The following ATP11A variants were observed in gnomAD, a reference collection of about 807,000 sequenced individuals.
The protein encoded by ATP11A is phospholipid-transporting ATPase IH.
In ATP11A, 81 loss-of-function variants were observed where a neutral mutation model predicts 154.4. The observed-to-expected ratio is 0.52, with a 90% confidence interval of 0.44 to 0.63. The LOEUF (loss-of-function observed/expected upper bound fraction) is 0.63. Ranked by LOEUF, ATP11A falls within the 30% of genes least tolerant of loss-of-function variation. The pLI, the probability that ATP11A is intolerant of heterozygous loss-of-function variation, is 0.00. For synonymous variants in ATP11A, 623 were observed against 585.9 expected (o/e 1.06, Z -0.91); for missense variants, 1,316 against 1,474.3 (o/e 0.89, Z 1.76).
chr13:112,811,838 C>A (rs1244047216), intron 5 of ATP11A: 5 of 152,202 alleles, frequency 3.3e-5, no homozygotes, highest in Admixed American at 2.6e-4. Context: ...GATCTCCTGA[C>A]CTTGTGATCC....
At position 112,886,974 on chromosome 13, in the gene ATP11A, GTTAA is replaced by G. The variant is rs2140467558; in HGVS notation, c.*5113_*5116del. 6.6e-6 allele frequency: 1 copy of G among 152,248 alleles called. No homozygotes were observed. The highest frequency in any genetic ancestry group is 2.1e-4 in the South Asian group (1 of 4,826). The allele number at this position is 152,248 out of a possible 1,614,324, so 9.4% of individuals were successfully genotyped here. On this transcript the variant is annotated 3_prime_UTR_variant, in exon 30 of 30. Transcript: ENST00000375645. ...TTAATCAGCTTTGAAAAATTAAATT[GTTAA>G]TTAAACCAATCTAACATTTCAGTAA...
chr13:112,830,524 C>T (rs955484310), intron 12 of ATP11A, among the ~76,000 whole-genome samples: 7 of 151,872 alleles, frequency 4.6e-5, no homozygotes, highest in South Asian at 2.1e-4. Flanking sequence ...TGCAGTGAGC[C>T]GAGATCATAC....
rs1442579314 is a variant in ATP11A at position 112,882,393 on chromosome 13, T to C, written c.*527T>C. 10 of 385,398 alleles carry C rather than the reference T, an allele frequency of 2.6e-5. No individual in the cohort carries two copies. Among genetic ancestry groups the C allele is most frequent in the African/African-American group, 1.0e-4 (5 of 48,684 alleles). 23.9% of individuals were successfully genotyped at this position (385,398 alleles called of 1,614,324 possible). ...CCCACATGTGGATGCCACATGCTGCTGTTTCCTGCTTGCCCGGCCACCACC... is the reference window on the plus strand; with the variant it reads ...CCCACATGTGGATGCCACATGCTGCCGTTTCCTGCTTGCCCGGCCACCACC... On this transcript the variant is annotated 3_prime_UTR_variant, in exon 30 of 30. Coordinates refer to ENST00000375645, the MANE Select transcript of ATP11A (RefSeq NM_015205.3). This position sits in a 1 kb window ranked among gnomAD's most constrained non-coding sequence, Gnocchi z 5.1.
In ATP11A at chr13:112,872,178, C is replaced by T. The variant is rs114157249; in HGVS notation, c.3057+378C>T. ...TTAATGTATTTTGAAAAATTTCACT[C>T]TTTAAAGTTCAGTGAAATTATATAC... On this transcript the variant is annotated intron_variant, in intron 26 of 29. Transcript: ENST00000375645. Among the ~76,000 whole-genome samples, 746 of 152,330 alleles carry T rather than the reference C, an allele frequency of 4.9e-3. 3 individuals carry two copies. Among genetic ancestry groups the T allele is most frequent in the African/African-American group, 0.017 (700 of 41,566 alleles).
chr13:112,788,177 C>G (rs963856149), intron 2 of ATP11A, among the ~76,000 whole-genome samples: 9 of 130,704 alleles, frequency 6.9e-5, no homozygotes, highest in Non-Finnish European at 1.3e-4. Flanking sequence ...TAATTCACAC[C>G]AAGTGTCCTG....
chr13:112,719,179 G>A (rs997350255), intron 1 of ATP11A, among the ~76,000 whole-genome samples: 14 of 151,016 alleles, frequency 9.3e-5, no homozygotes, highest in Non-Finnish European at 1.6e-4. Context: ...TTTGAATCGC[G>A]TCAAAGACCG....
intron 28 of ATP11A, 182 bp downstream of exon 28, chr13:112,876,123 G>A (rs1430826542): frequency 2.0e-5 from 11 of 538,874 alleles, no homozygotes; most frequent in South Asian, 6.4e-5. Context: ...TGCGATGACC[G>A]ATGTCTAATT....
At position 112,881,204 on chromosome 13, in the gene ATP11A, G is replaced by C. The variant is rs531617576; in HGVS notation, c.*10-672G>C. On this transcript the variant is annotated intron_variant, in intron 29 of 29. Coordinates refer to ENST00000375645, the MANE Select transcript of ATP11A (RefSeq NM_015205.3). ...GGACGGCCCCTCATCAGACAGATGC[G>C]TGCTGCCGGCCTCCTGCCGCTCCCC... is the stretch of plus-strand genomic sequence containing the variant. 22 of 989,476 alleles carry C rather than the reference G, an allele frequency of 2.2e-5. No homozygotes were observed. In the African/African-American group the frequency reaches 2.3e-4, roughly 10 times the overall value. 61.3% of individuals were successfully genotyped at this position (989,476 alleles called of 1,614,324 possible). A position where few individuals can be genotyped will look rare whatever the true frequency, so the allele number is the denominator to read the frequency against.
intron 1 of ATP11A, among the ~76,000 whole-genome samples, chr13:112,733,180 T>C (rs1890668183): frequency 6.6e-6 from 1 of 152,236 alleles, no homozygotes; most frequent in Non-Finnish European, 1.5e-5. Flanking sequence ...TTTCTCCTTG[T>C]CCATGCGCTT....
intron 1 of ATP11A, among the ~76,000 whole-genome samples, chr13:112,752,573 G>T (rs1256695781): frequency 6.6e-6 from 1 of 152,206 alleles, no homozygotes; most frequent in African/African-American, 2.4e-5. Context: ...CTGAATACGC[G>T]TCCGTCTGAC....
At chr13:112,834,809 C>A (rs2079188611) in intron 15 of ATP11A, 149 bp downstream of exon 15, 1 of 632,852 alleles carries the variant, frequency 1.6e-6, no homozygotes, top group Non-Finnish European at 2.8e-6. Context: ...AGGAATGTCA[C>A]CAGAATGTTC....
intron 1 of ATP11A, among the ~76,000 whole-genome samples, chr13:112,722,305 C>CG (rs1236853130): frequency 1.9e-4 from 1 of 5,230 alleles, no homozygotes; most frequent in Admixed American, 2.8e-3. Context: ...AGGGTGGGCC[C>CG]GGGGAGAGGG....
At chr13:112,861,402 A>C (rs1010120348) in intron 24 of ATP11A, among the ~76,000 whole-genome samples, 1 of 152,270 alleles carries the variant, frequency 6.6e-6, no homozygotes, top group East Asian at 1.9e-4. Context: ...GACACGCAAG[A>C]AACTGCAGTC....
chr13:112,777,422 A>G (rs2139983602), intron 1 of ATP11A, among the ~76,000 whole-genome samples: 1 of 152,146 alleles, frequency 6.6e-6, no homozygotes, highest in South Asian at 2.1e-4. Context: ...AAATTAGCCA[A>G]GTGTGGTGGC....
At chr13:112,861,846 T>G (rs1184092444) in intron 24 of ATP11A, among the ~76,000 whole-genome samples, 2 of 150,872 alleles carry the variant, frequency 1.3e-5, no homozygotes, top group Non-Finnish European at 2.9e-5. Context: ...ATCCTGCAAA[T>G]TCTGTCTTAT....
chr13:112,850,677 A>C (rs79204917), intron 17 of ATP11A, among the ~76,000 whole-genome samples: 2,220 of 152,242 alleles, frequency 0.015, 56 homozygotes, highest in African/African-American at 0.051. Flanking sequence ...TAAAAAAAAA[A>C]GGTTAAATTT....
intron 12 of ATP11A, among the ~76,000 whole-genome samples, chr13:112,829,696 C>T (rs1385524516): frequency 2.6e-5 from 4 of 152,082 alleles, no homozygotes; most frequent in Non-Finnish European, 4.4e-5. Context: ...GAAGCTCTAG[C>T]CAGAGCAGTG....
rs1383455636 is a variant in ATP11A, at chr13:112,696,644, C to A, written c.39+6189C>A. 2.6e-5 allele frequency among the ~76,000 whole-genome samples: 4 copies of A among 152,120 alleles called. No individual in the cohort carries two copies. The highest frequency in any genetic ancestry group is 5.9e-5 in the Non-Finnish European group (4 of 68,024). On this transcript the variant is annotated intron_variant, in intron 1 of 29. Transcript: ENST00000375645. This position sits in a 1 kb window ranked among gnomAD's most constrained non-coding sequence, Gnocchi z 6.2. Reference sequence around the variant, plus strand: ...CTTAGGTTACCCCGCGTAGCTGGCCCGTCCTTCCTTCTCCTGTCTCTTCTG... The same window carrying A: ...CTTAGGTTACCCCGCGTAGCTGGCCAGTCCTTCCTTCTCCTGTCTCTTCTG...
At chr13:112,817,370 A>C (rs2078674212) in intron 6 of ATP11A, among the ~76,000 whole-genome samples, 1 of 152,220 alleles carries the variant, frequency 6.6e-6, no homozygotes, top group Non-Finnish European at 1.5e-5. Flanking sequence ...ATAGATGAAA[A>C]ACCTATGGAT....
Sources: gnomAD v4.1 joint callset for allele counts (sites outside exome capture counted in the v4.1 genomes callset) on GRCh38, gnomAD v4.1.1 for gene constraint, Gnocchi (gnomAD v3.1) non-coding constraint, MANE v1.5 for transcripts, NCBI Gene and HGNC (gene_info 2026-07-23, HGNC 2026-07-21) for gene names.